The following PDE9A variants were observed in gnomAD, a reference collection of about 807,000 sequenced individuals.
PDE9A encodes the protein high affinity cGMP-specific 3',5'-cyclic phosphodiesterase 9A.
A neutral mutation model predicts 87.4 loss-of-function variants in PDE9A; 60 were observed. The ratio of observed to expected loss-of-function variants is 0.69; its 90% CI spans 0.56 to 0.85. The LOEUF (loss-of-function observed/expected upper bound fraction) is 0.85. Among genes scored for constraint, PDE9A ranks in the 40% least tolerant of loss-of-function variants. The pLI is 0.00. For missense variants in PDE9A, 665 were observed against 779.0 expected (o/e 0.85, Z 1.74); for synonymous variants, 272 against 279.4 (o/e 0.97, Z 0.27).
chr21:42,681,632 G>A (rs577974127), intron 1 of PDE9A, among the ~76,000 whole-genome samples: 1 of 152,168 alleles, frequency 6.6e-6, no homozygotes, highest in Admixed American at 6.5e-5. Flanking sequence ...TGGGGGAGCC[G>A]CCCTCTGTCT....
chr21:42,705,275 T>C lies in PDE9A; in HGVS notation c.262+6264T>C, dbSNP rs914118557. On this transcript the variant is annotated intron_variant, in intron 4 of 19. Transcript: ENST00000291539. The surrounding 1 kb of genome is among the most constrained non-coding windows in gnomAD (Gnocchi z 4.3). Reference sequence around the variant, plus strand: ...AACTACAAAAACCACGACACAGGCTTCTCAGCATCTTTTTATAACGATAGT... The same window carrying C: ...AACTACAAAAACCACGACACAGGCTCCTCAGCATCTTTTTATAACGATAGT... Among the ~76,000 whole-genome samples the C allele has an allele frequency of 6.6e-6, 1 of 152,252 alleles. No homozygotes were observed. Among genetic ancestry groups the C allele is most frequent in the Non-Finnish European group, 1.5e-5 (1 of 68,046 alleles).
intron 1 of PDE9A, among the ~76,000 whole-genome samples, chr21:42,679,796 C>T (rs1000029706): frequency 6.6e-6 from 1 of 152,218 alleles, no homozygotes; most frequent in Admixed American, 6.5e-5. Context: ...TCTGTCCTGT[C>T]CCTTAACCCA....
chr21:42,758,760 A>T (rs762598866), intron 10 of PDE9A: 13 of 460,006 alleles, frequency 2.8e-5, no homozygotes, highest in Non-Finnish European at 4.3e-5. Context: ...CTGCCAGGAG[A>T]CCCCCAGTGT....
chr21:42,719,639 CAAAA>C (rs35644198), intron 4 of PDE9A, among the ~76,000 whole-genome samples: 6 of 131,176 alleles, frequency 4.6e-5, no homozygotes, highest in Admixed American at 8.1e-5. Flanking sequence ...GAGTCTGTCT[CAAAA>C]AAAAAAAAAA....
rs182919753 is a variant in PDE9A at position 42,692,106 on chromosome 21, A to G, written c.218+4112A>G. Among the ~76,000 whole-genome samples the G allele has an allele frequency of 1.3e-4, 20 of 152,308 alleles. No homozygotes were observed. The East Asian group carries it at 3.9e-3, about 29-fold the overall frequency. On this transcript the variant is annotated intron_variant, in intron 3 of 19. Transcript: ENST00000291539. The surrounding 1 kb of genome is among the most constrained non-coding windows in gnomAD (Gnocchi z 4.3). The stretch of plus-strand genomic sequence containing the variant: ...GCCCCGCTGGACGGTCTTCTCTCAT[A>G]GGAAGGAAATTTCACCTTGCTCTCT...
chr21:42,664,155 A>G (rs1364030676), intron 1 of PDE9A, among the ~76,000 whole-genome samples: 21 of 152,250 alleles, frequency 1.4e-4, no homozygotes, highest in Admixed American at 1.4e-3. Context: ...CTGGGGGTTT[A>G]GTGACTCCAG....
chr21:42,736,399 A>T (rs1209666105), intron 7 of PDE9A, among the ~76,000 whole-genome samples: 2 of 152,082 alleles, frequency 1.3e-5, no homozygotes, highest in Non-Finnish European at 2.9e-5. Flanking sequence ...CTTCCCCCCT[A>T]GCCTGTTCTG....
At position 42,659,724 on chromosome 21, in the gene PDE9A, G is replaced by A. The variant is rs1283538367; in HGVS notation, c.69+5841G>A. Reference sequence around the variant, plus strand: ...AGAACCACAGGCTCCCATGAAGAAGGAGCCAGAACCACAGGCCCCATGAGC... The same window carrying A: ...AGAACCACAGGCTCCCATGAAGAAGAAGCCAGAACCACAGGCCCCATGAGC... On this transcript the variant is annotated intron_variant, in intron 1 of 19. Coordinates refer to ENST00000291539, the MANE Select transcript of PDE9A (RefSeq NM_002606.3). The surrounding 1 kb of genome is among the most constrained non-coding windows in gnomAD (Gnocchi z 4.1). Among the ~76,000 whole-genome samples, 2 of 152,178 alleles carry A rather than the reference G, an allele frequency of 1.3e-5. No individual in the cohort carries two copies. Among genetic ancestry groups the A allele is most frequent in the Admixed American group, 1.3e-4 (2 of 15,284 alleles).
chr21:42,717,554 A>AC (rs1209131345), intron 4 of PDE9A, among the ~76,000 whole-genome samples: 1 of 100,244 alleles, frequency 1.0e-5, no homozygotes, highest in Non-Finnish European at 1.9e-5. Flanking sequence ...AAAAAAAAAA[A>AC]AATTTTTTTG....
intron 14 of PDE9A, 113 bp from the exon 15 acceptor site, chr21:42,765,268 G>A (rs1332812766): frequency 3.4e-5 from 21 of 619,044 alleles, no homozygotes; most frequent in Non-Finnish European, 5.2e-5. Flanking sequence ...CATATGAATC[G>A]GAATAAGAGA....
rs113672890 is a variant in PDE9A, at chr21:42,698,204, C to T, written c.219-764C>T. 5.7e-3 allele frequency among the ~76,000 whole-genome samples: 868 copies of T among 152,360 alleles called. 5 individuals carry two copies. The highest frequency in any genetic ancestry group is 0.019 in the African/African-American group (806 of 41,582). Reference sequence around the variant, plus strand: ...GTGGCAACCCACACCCCACCAGCAACACCTGTGATGTCTGCCGCCCTGTGT... The same window carrying T: ...GTGGCAACCCACACCCCACCAGCAATACCTGTGATGTCTGCCGCCCTGTGT... On this transcript the variant is annotated intron_variant, in intron 3 of 19. Coordinates refer to ENST00000291539, the MANE Select transcript of PDE9A (RefSeq NM_002606.3).
chr21:42,737,135 C>T (rs920601264), intron 7 of PDE9A, among the ~76,000 whole-genome samples: 8 of 152,250 alleles, frequency 5.3e-5, no homozygotes, highest in South Asian at 2.1e-4. Context: ...CAACCCTGCA[C>T]GGCTGCCAGA....
In PDE9A at chr21:42,694,123, G is replaced by A. The variant is rs1247717243; in HGVS notation, c.219-4845G>A. The stretch of plus-strand genomic sequence containing the variant: ...GGCCTTCCCTTGCTGAAACATGCTG[G>A]GTAAACTCTTTGTTTCTTCCTAGCA... On this transcript the variant is annotated intron_variant, in intron 3 of 19. Coordinates refer to ENST00000291539, the MANE Select transcript of PDE9A (RefSeq NM_002606.3). This position sits in a 1 kb window ranked among gnomAD's most constrained non-coding sequence, Gnocchi z 5.3. 6.6e-6 allele frequency among the ~76,000 whole-genome samples: 1 copy of A among 152,298 alleles called. No individual in the cohort carries two copies. Among genetic ancestry groups the A allele is most frequent in the East Asian group, 1.9e-4 (1 of 5,188 alleles).
intron 14 of PDE9A, 117 bp downstream of exon 14, chr21:42,762,356 A>T: frequency 2.0e-6 from 2 of 1,002,758 alleles, no homozygotes; most frequent in Non-Finnish European, 2.9e-6. Context: ...TGCCCTGGGG[A>T]CCCAAGGGAA....
rs1424452554 is a variant in PDE9A at position 42,766,450 on chromosome 21, A to T, written c.1356+956A>T. ...GGCATTCTTACTCTGAAATTTGATTATCTGTTTAAAATCAATAGCATCACT... is the reference window on the plus strand; with the variant it reads ...GGCATTCTTACTCTGAAATTTGATTTTCTGTTTAAAATCAATAGCATCACT... On this transcript the variant is annotated intron_variant, in intron 15 of 19. Coordinates refer to ENST00000291539, the MANE Select transcript of PDE9A (RefSeq NM_002606.3). Among the ~76,000 whole-genome samples the T allele has an allele frequency of 2.6e-5, 4 of 152,176 alleles. No individual in the cohort carries two copies. The East Asian group carries it at 7.7e-4, about 29-fold the overall frequency.
chr21:42,769,337 C>T (rs2056707603), intron 17 of PDE9A, among the ~76,000 whole-genome samples, 182 bp downstream of exon 17: 1 of 149,130 alleles, frequency 6.7e-6, no homozygotes, highest in Non-Finnish European at 1.5e-5. Flanking sequence ...ACGCACACAG[C>T]TACACACAGG....
Position 42,686,163 on chromosome 21 carries a change from T to C in PDE9A, c.70-29T>C, listed in dbSNP as rs942032693. The stretch of plus-strand genomic sequence containing the variant: ...CTCCAGGGAGACCCGCCGCCCTCGC[T>C]GCCGCCTCACCGCGCTTCTGTTTTG... On this transcript the variant is annotated intron_variant, in intron 1 of 19. Coordinates refer to ENST00000291539, the MANE Select transcript of PDE9A (RefSeq NM_002606.3). The C allele has an allele frequency of 5.0e-6, 8 of 1,596,206 alleles. No homozygotes were observed. The African/African-American group carries it at 1.1e-4, about 21-fold the overall frequency.
At chr21:42,757,415 C>T (rs1378494085) in intron 10 of PDE9A, 2 of 152,234 alleles carry the variant, frequency 1.3e-5, no homozygotes, top group Non-Finnish European at 2.9e-5. Context: ...TACAAAAACT[C>T]GCCTCCCTTG....
intron 16 of PDE9A, chr21:42,768,799 C>T: frequency 1.0e-6 from 1 of 985,462 alleles, no homozygotes; most frequent in Non-Finnish European, 1.2e-6. Flanking sequence ...ATCCATCCAA[C>T]TCACCTCTGC....
Sources: gnomAD v4.1 joint callset for allele counts (sites outside exome capture counted in the v4.1 genomes callset) on GRCh38, gnomAD v4.1.1 for gene constraint, Gnocchi (gnomAD v3.1) non-coding constraint, MANE v1.5 for transcripts, NCBI Gene and HGNC (gene_info 2026-07-23, HGNC 2026-07-21) for gene names.